Variants in ARHGAP31 observed in about 807,000 individuals in gnomAD.
The protein encoded by ARHGAP31 is rho GTPase-activating protein 31.
In ARHGAP31, 34 loss-of-function variants were observed where a neutral mutation model predicts 113.9. That is an observed-to-expected ratio of 0.30 (90% CI 0.23 to 0.40). ARHGAP31 has a LOEUF of 0.40. Ranked by LOEUF, ARHGAP31 falls within the 10% of genes least tolerant of loss-of-function variation. The pLI is 1.00. For missense variants in ARHGAP31, 1,548 were observed against 1,767.1 expected, an observed-to-expected ratio of 0.88 and a Z score of 2.22; for synonymous variants, 650 against 684.8, an observed-to-expected ratio of 0.95 and a Z score of 0.79.
chr3:119,379,169 T>C (rs2080374438), intron 3 of ARHGAP31, among the ~76,000 whole-genome samples: 1 of 152,280 alleles, frequency 6.6e-6, no homozygotes. Context: ...GGCACTGTTC[T>C]GGACACAGGG....
chr3:119,401,747 G>C lies in ARHGAP31; in HGVS notation c.1070-75G>C, dbSNP rs1024611041. ...CCTCTCTAGTATTCAAATGTCGTGT[G>C]CCTGCCCTTACTGGAAGGCCTGCTA... On this transcript the variant is annotated intron_variant, in intron 9 of 11. Transcript: ENST00000264245. 9 of 1,382,916 alleles carry C rather than the reference G, an allele frequency of 6.5e-6. No individual in the cohort carries two copies. The African/African-American group carries it at 1.0e-4, about 15-fold the overall frequency. 85.7% of individuals were successfully genotyped at this position (1,382,916 alleles called of 1,614,324 possible).
In ARHGAP31 at chr3:119,402,062, C is replaced by T. The variant is rs1289446661; in HGVS notation, c.1310C>T (p.Pro437Leu). The T allele has an allele frequency of 5.0e-6, 8 of 1,614,096 alleles. No individual in the cohort carries two copies. In the Admixed American group the frequency reaches 1.2e-4, roughly 24 times the overall value. Residue 437 changes from proline to leucine, a missense_variant, in exon 10 of 12, where the codon CCT becomes CTT. Pro to Leu is a moderately conservative substitution (Grantham distance 98). Transcript: ENST00000264245. ...CCGGAACAGCTGAAGGTTTTCCGGC[C>T]TGTTGAGGATCCGGAGAGCGAGCAA... ...PPPEQLKVFR[P>L]VEDPESEQTA...
At chr3:119,407,611 G>T (rs1296119419) in intron 10 of ARHGAP31, among the ~76,000 whole-genome samples, 1 of 152,232 alleles carries the variant, frequency 6.6e-6, no homozygotes, top group African/African-American at 2.4e-5. Context: ...ATCTATAAGA[G>T]ACAGTGGGAG....
rs547165858 is a variant in ARHGAP31, at chr3:119,379,251, T to C, written c.349-1653T>C. Among the ~76,000 whole-genome samples, 8 of 152,186 alleles carry C rather than the reference T, an allele frequency of 5.3e-5. No individual in the cohort carries two copies. The South Asian group carries it at 1.7e-3, about 32-fold the overall frequency. ...GACAGACAATAAGCAATAACTCCAA[T>C]AAATAAGTGCATTCTTGTAGTGTAA... On this transcript the variant is annotated intron_variant, in intron 3 of 11. Coordinates refer to ENST00000264245, the MANE Select transcript of ARHGAP31 (RefSeq NM_020754.4).
At chr3:119,346,360 GA>G (rs2080056894) in intron 1 of ARHGAP31, among the ~76,000 whole-genome samples, 1 of 152,218 alleles carries the variant, frequency 6.6e-6, no homozygotes, top group Non-Finnish European at 1.5e-5. Context: ...CAAATTTATA[GA>G]AGGGGAGAGA....
intron 1 of ARHGAP31, among the ~76,000 whole-genome samples, chr3:119,336,256 A>G (rs190919270): frequency 5.8e-4 from 88 of 152,352 alleles, no homozygotes; most frequent in African/African-American, 1.8e-3. Context: ...TTTATTTCAT[A>G]TGAAATGGCT....
intron 9 of ARHGAP31, 56 bp downstream of exon 9, chr3:119,399,317 CA>C: frequency 6.8e-7 from 1 of 1,461,574 alleles, no homozygotes; most frequent in Non-Finnish European, 9.6e-7. Flanking sequence ...GGCTGGAGCT[CA>C]CTTGCCTTTA....
At chr3:119,345,970 T>C (rs2080053133) in intron 1 of ARHGAP31, among the ~76,000 whole-genome samples, 1 of 152,170 alleles carries the variant, frequency 6.6e-6, no homozygotes, top group South Asian at 2.1e-4. Flanking sequence ...CCAGTGCAGA[T>C]CCTATAGATT....
Position 119,402,287 on chromosome 3 carries a change from C to T in ARHGAP31, c.1535C>T (p.Pro512Leu), listed in dbSNP as rs2080618615. The T allele has an allele frequency of 6.2e-7, 1 of 1,614,256 alleles. No homozygotes were observed. The highest frequency in any genetic ancestry group is 1.1e-5 in the South Asian group (1 of 91,084). The change falls in exon 10 of 12, where the codon CCC becomes CTC. Residue 512 changes from proline (P) to leucine (L), a missense_variant. Pro to Leu is a moderately conservative substitution (Grantham distance 98, BLOSUM62 -3). Transcript: ENST00000264245. ...ISTNSTPCRT[P>L]PKELQSLSSL... ...ACCAACAGCACGCCGTGCAGAACAC[C>T]CCCGAAGGAGCTGCAGTCTCTTTCC...
At chr3:119,383,350 G>A in intron 6 of ARHGAP31, 124 bp downstream of exon 6, 1 of 1,246,030 alleles carries the variant, frequency 8.0e-7, no homozygotes, top group Non-Finnish European at 1.2e-6. Context: ...TGTGTATGCT[G>A]ACTACTGTGT....
chr3:119,387,624 T>A (rs1316991010), intron 6 of ARHGAP31, among the ~76,000 whole-genome samples: 1 of 152,230 alleles, frequency 6.6e-6, no homozygotes, highest in East Asian at 1.9e-4. Context: ...TTGAATCCAA[T>A]ACTTTTATTT....
intron 1 of ARHGAP31, among the ~76,000 whole-genome samples, chr3:119,303,834 G>A (rs571089792): frequency 3.3e-5 from 5 of 151,544 alleles, no homozygotes; most frequent in Admixed American, 2.6e-4. Context: ...TCGCAGTGTC[G>A]CCCGGGCTGG....
At chr3:119,361,720 A>G (rs1160473496) in intron 1 of ARHGAP31, among the ~76,000 whole-genome samples, 1 of 152,198 alleles carries the variant, frequency 6.6e-6, no homozygotes, top group Admixed American at 6.5e-5. Context: ...CATCCGGAGG[A>G]TGCCGGGCTG....
At chr3:119,372,965 C>A (rs115292279) in intron 3 of ARHGAP31, among the ~76,000 whole-genome samples, 2,221 of 152,182 alleles carry the variant, frequency 0.015, 61 homozygotes, top group African/African-American at 0.05. Context: ...AATGAAGGAA[C>A]AATGCCATAA....
intron 1 of ARHGAP31, among the ~76,000 whole-genome samples, chr3:119,307,520 C>T (rs546549639): frequency 2.0e-4 from 30 of 152,252 alleles, no homozygotes; most frequent in African/African-American, 7.2e-4. Flanking sequence ...CTTGTATGTA[C>T]ACAATTATTT....
At chr3:119,325,483 G>A (rs1455392561) in intron 1 of ARHGAP31, among the ~76,000 whole-genome samples, 3 of 152,182 alleles carry the variant, frequency 2.0e-5, no homozygotes, top group Non-Finnish European at 4.4e-5. Flanking sequence ...CTGCTGGGTC[G>A]GGAGTCTGCC....
At chr3:119,345,024 G>A (rs1197830519) in intron 1 of ARHGAP31, among the ~76,000 whole-genome samples, 18 of 148,390 alleles carry the variant, frequency 1.2e-4, no homozygotes, top group African/African-American at 4.3e-4. Flanking sequence ...TTGCTCTGTC[G>A]CCCAGGCTGG....
chr3:119,378,137 C>G (rs902358020), intron 3 of ARHGAP31, among the ~76,000 whole-genome samples: 2 of 152,110 alleles, frequency 1.3e-5, no homozygotes, highest in Non-Finnish European at 2.9e-5. Context: ...TAAGATTTAA[C>G]CATTAGCCAT....
chr3:119,322,460 G>A (rs75293866), intron 1 of ARHGAP31, among the ~76,000 whole-genome samples: 3,337 of 152,184 alleles, frequency 0.022, 99 homozygotes, highest in South Asian at 0.063. Context: ...TTCCTCCTCC[G>A]GGCAGCTTCT....
Sources: gnomAD v4.1 joint callset for allele counts (sites outside exome capture counted in the v4.1 genomes callset) on GRCh38, gnomAD v4.1.1 for gene constraint, MANE v1.5 for transcripts, NCBI Gene and HGNC (gene_info 2026-07-23, HGNC 2026-07-21) for gene names.